Variants in OLFM3 observed in about 807,000 individuals in gnomAD.
OLFM3 encodes olfactomedin 3, also known as noelin-3.
A neutral mutation model predicts 48.6 loss-of-function variants in OLFM3; 20 were observed. The ratio of observed to expected loss-of-function variants is 0.41; its 90% CI spans 0.29 to 0.60. OLFM3 has a LOEUF of 0.60. OLFM3 is among the 20% of genes least tolerant of loss of function. The probability of loss-of-function intolerance (pLI) is 0.28; values close to 1 mark genes in which losing one functional copy is unlikely to be tolerated. For synonymous variants in OLFM3, 222 were observed against 198.1 expected (o/e 1.12, Z -1.01); for missense variants, 437 against 544.3 (o/e 0.80, Z 1.96).
intron 1 of OLFM3, among the ~76,000 whole-genome samples, chr1:101,863,710 A>G (rs1656749379): frequency 6.6e-6 from 1 of 152,192 alleles, no homozygotes. Flanking sequence ...TTCATGAAGA[A>G]TTGTGGTTAT....
intron 1 of OLFM3, among the ~76,000 whole-genome samples, chr1:101,964,291 G>A (rs1446256794): frequency 6.6e-6 from 1 of 152,084 alleles, no homozygotes; most frequent in African/African-American, 2.4e-5. Flanking sequence ...TGGAGTGTAT[G>A]GTAGAATGAA....
chr1:101,996,919 AGCCGAGTGG>A, exon 1 of OLFM3: 1 of 1,251,108 alleles, frequency 8.0e-7, no homozygotes, highest in Non-Finnish European at 1.2e-6. Flanking sequence ...TGCCAGTCAG[AGCCGAGTGG>A]AAGCAGAGGC....
intron 1 of OLFM3, among the ~76,000 whole-genome samples, chr1:101,851,272 C>T (rs185049094): frequency 3.6e-4 from 55 of 152,266 alleles, no homozygotes; most frequent in African/African-American, 1.3e-3. Context: ...GTAAGTCTCT[C>T]AGTCTCCATT....
intron 2 of OLFM3, among the ~76,000 whole-genome samples, chr1:101,831,170 A>G (rs916748222): frequency 6.6e-6 from 1 of 152,232 alleles, no homozygotes; most frequent in African/African-American, 2.4e-5. Flanking sequence ...AAATGTCAAA[A>G]TAAGTTGTTT....
At chr1:101,828,188 C>T (rs1358110474) in intron 3 of OLFM3, among the ~76,000 whole-genome samples, 3 of 152,090 alleles carry the variant, frequency 2.0e-5, no homozygotes, top group Non-Finnish European at 4.4e-5. Context: ...CTCTTTCTTT[C>T]ACACATTACG....
chr1:101,932,511 T>G (rs949863642), intron 1 of OLFM3, among the ~76,000 whole-genome samples: 1 of 152,154 alleles, frequency 6.6e-6, no homozygotes, highest in African/African-American at 2.4e-5. Context: ...TATTGAACAC[T>G]GGGACTCATT....
At chr1:101,866,032 T>C (rs796959745) in intron 1 of OLFM3, among the ~76,000 whole-genome samples, 25 of 152,310 alleles carry the variant, frequency 1.6e-4, no homozygotes, top group African/African-American at 6.0e-4. Context: ...ACAGCAATCA[T>C]ATTTCATCAG....
chr1:101,960,310 T>A (rs1352785211), intron 1 of OLFM3, among the ~76,000 whole-genome samples: 1 of 152,120 alleles, frequency 6.6e-6, no homozygotes, highest in African/African-American at 2.4e-5. Flanking sequence ...ACAGCAGAAC[T>A]CAGACGCATT....
At chr1:101,808,603 A>T (rs1245636974) in intron 4 of OLFM3, among the ~76,000 whole-genome samples, 1 of 151,746 alleles carries the variant, frequency 6.6e-6, no homozygotes, top group African/African-American at 2.4e-5. Flanking sequence ...AAAAATATGA[A>T]ACTGTGTTGG....
intron 1 of OLFM3, among the ~76,000 whole-genome samples, chr1:101,993,399 C>A (rs564798246): frequency 6.6e-6 from 1 of 151,888 alleles, no homozygotes; most frequent in South Asian, 2.1e-4. Context: ...ATCTAGCAGC[C>A]GCCCTCAGAA....
chr1:101,914,815 C>T (rs1658870788), intron 1 of OLFM3, among the ~76,000 whole-genome samples: 1 of 152,160 alleles, frequency 6.6e-6, no homozygotes, highest in Non-Finnish European at 1.5e-5. Context: ...AAGTTAAATA[C>T]ATGCATACTC....
chr1:101,831,419 G>C (rs1253614080), intron 2 of OLFM3, among the ~76,000 whole-genome samples: 1 of 152,176 alleles, frequency 6.6e-6, no homozygotes, highest in Non-Finnish European at 1.5e-5. Flanking sequence ...TGCATCAAGT[G>C]CTTGGTAGAC....
intron 1 of OLFM3, among the ~76,000 whole-genome samples, chr1:101,991,011 AAAAAAATATATAT>A (rs1661386948): frequency 9.8e-6 from 1 of 102,378 alleles, no homozygotes; most frequent in Admixed American, 1.0e-4. Context: ...AAAAAAAAAA[AAAAAAATATATAT>A]ATATATATAT....
intron 1 of OLFM3, among the ~76,000 whole-genome samples, chr1:101,949,858 A>T (rs1236170593): frequency 7.0e-6 from 1 of 143,442 alleles, no homozygotes; most frequent in Non-Finnish European, 1.5e-5. Context: ...TAAACCCGGG[A>T]GGCGGAGCTT....
chr1:101,937,045 T>C (rs1181698383), intron 1 of OLFM3, among the ~76,000 whole-genome samples: 1 of 152,166 alleles, frequency 6.6e-6, no homozygotes, highest in Non-Finnish European at 1.5e-5. Context: ...ATTTGGGACA[T>C]AGGCCCTGAC....
chr1:101,947,575 C>G (rs1053820597), intron 1 of OLFM3, among the ~76,000 whole-genome samples: 10 of 151,754 alleles, frequency 6.6e-5, no homozygotes, highest in Non-Finnish European at 1.3e-4. Flanking sequence ...CAAGTCCAGC[C>G]TGGACAACAT....
At chr1:101,864,633 G>C (rs1026055959) in intron 1 of OLFM3, among the ~76,000 whole-genome samples, 2 of 152,076 alleles carry the variant, frequency 1.3e-5, no homozygotes, top group African/African-American at 2.4e-5. Context: ...GAAAGCATGA[G>C]GTTTTCTTGA....
intron 1 of OLFM3, among the ~76,000 whole-genome samples, chr1:101,891,646 C>T (rs1209023161): frequency 6.6e-6 from 1 of 151,708 alleles, no homozygotes; most frequent in Non-Finnish European, 1.5e-5. Context: ...TAATTATATG[C>T]ATTAGATTAT....
intron 1 of OLFM3, among the ~76,000 whole-genome samples, chr1:101,887,533 G>A (rs897099406): frequency 6.6e-6 from 1 of 152,004 alleles, no homozygotes; most frequent in Non-Finnish European, 1.5e-5. Flanking sequence ...ATAATGTCTA[G>A]GACATCTCTT....
Sources: gnomAD v4.1 joint callset for allele counts (sites outside exome capture counted in the v4.1 genomes callset) on GRCh38, gnomAD v4.1.1 for gene constraint, MANE v1.5 for transcripts, NCBI Gene and HGNC (gene_info 2026-07-23, HGNC 2026-07-21) for gene names.